Variants in ADGRV1 observed in about 807,000 individuals in gnomAD.
ADGRV1 encodes the protein adhesion G protein-coupled receptor V1, also known as G-protein coupled receptor 98.
ADGRV1 carries 359 observed loss-of-function variants against 596.2 expected under a neutral mutation model. The ratio of observed to expected loss-of-function variants is 0.60; its 90% CI spans 0.55 to 0.66. ADGRV1 has a LOEUF of 0.66. Ranked by LOEUF, ADGRV1 falls within the 30% of genes least tolerant of loss-of-function variation. The probability of loss-of-function intolerance (pLI) is 0.00; values close to 1 mark genes in which losing one functional copy is unlikely to be tolerated. For missense variants in ADGRV1, 7,274 were observed against 7,575.6 expected (o/e 0.96, Z 1.48); for synonymous variants, 2,681 against 2,679.2 (o/e 1.00, Z -0.02).
intron 87 of ADGRV1, among the ~76,000 whole-genome samples, chr5:91,148,804 G>C (rs1448320267): frequency 1.3e-5 from 2 of 152,160 alleles, no homozygotes; most frequent in Non-Finnish European, 2.9e-5. Flanking sequence ...CTGGGAGGGG[G>C]TCTGTAATGT....
chr5:91,083,520 T>C (rs1409115909), intron 86 of ADGRV1, among the ~76,000 whole-genome samples: 1 of 151,934 alleles, frequency 6.6e-6, no homozygotes, highest in Non-Finnish European at 1.5e-5. Flanking sequence ...GTTTTTTGTT[T>C]TTTGTTTTTT....
intron 21 of ADGRV1, among the ~76,000 whole-genome samples, chr5:90,661,110 A>G (rs975918486): frequency 6.6e-6 from 1 of 152,162 alleles, no homozygotes; most frequent in Non-Finnish European, 1.5e-5. Flanking sequence ...TAGTAACCAC[A>G]TTCTCATGTT....
intron 83 of ADGRV1, among the ~76,000 whole-genome samples, chr5:90,902,539 A>C (rs1451761378): frequency 1.3e-5 from 2 of 152,044 alleles, no homozygotes; most frequent in African/African-American, 2.4e-5. Context: ...TGCAAGTCTT[A>C]ATTCCGTGTT....
chr5:90,774,158 A>G, intron 59 of ADGRV1, 28 bp from the exon 60 acceptor site: 1 of 1,325,370 alleles, frequency 7.5e-7, no homozygotes, highest in Non-Finnish European at 1.1e-6. Flanking sequence ...CAATCTGGAA[A>G]ATGCACTGTT....
chr5:91,142,640 T>A (rs1795189636), intron 87 of ADGRV1, among the ~76,000 whole-genome samples: 1 of 152,162 alleles, frequency 6.6e-6, no homozygotes, highest in Non-Finnish European at 1.5e-5. Context: ...TAATATTGAG[T>A]CTTTCCTATC....
In ADGRV1 at chr5:90,689,952, T is replaced by C. The variant is rs1195051337; in HGVS notation, c.6582T>C (p.Tyr2194=). ...AVPIYVINDI[Y]PELEESFLVQ... ...CAATATATGTCATTAATGATATCTA[T>C]CCTGAACTGGAAGAATCTTTTCTTG... Residue 2194 remains tyrosine, a synonymous_variant, in exon 30 of 90, where the codon TAT becomes TAC. Coordinates refer to ENST00000405460, the MANE Select transcript of ADGRV1 (RefSeq NM_032119.4). The C allele has an allele frequency of 6.2e-7, 1 of 1,612,476 alleles. No individual in the cohort carries two copies. Among genetic ancestry groups the C allele is most frequent in the Non-Finnish European group, 8.5e-7 (1 of 1,179,124 alleles).
intron 22 of ADGRV1, among the ~76,000 whole-genome samples, chr5:90,673,555 G>A (rs1425032418): frequency 1.3e-5 from 2 of 152,112 alleles, no homozygotes; most frequent in African/African-American, 4.8e-5. Context: ...AGTTTTGGAG[G>A]CTGGGACGTC....
intron 59 of ADGRV1, among the ~76,000 whole-genome samples, chr5:90,770,627 A>G (rs1757589930): frequency 6.6e-6 from 1 of 152,124 alleles, no homozygotes; most frequent in South Asian, 2.1e-4. Context: ...TGCCAGTTTA[A>G]CTCAGAAGTC....
intron 67 of ADGRV1, among the ~76,000 whole-genome samples, chr5:90,784,301 T>C (rs1759188192): frequency 6.6e-6 from 1 of 152,168 alleles, no homozygotes; most frequent in Non-Finnish European, 1.5e-5. Flanking sequence ...TAAAATTCAT[T>C]AATTCAACAA....
rs1354850880 is a variant in ADGRV1, at chr5:90,635,349, T to C, written c.2016+59T>C. On this transcript the variant is annotated intron_variant, in intron 10 of 89. Coordinates refer to ENST00000405460, the MANE Select transcript of ADGRV1 (RefSeq NM_032119.4). ...TGAGTATGAAGTAATGTACAGACAC[T>C]ATTTTTAAAATAAGATCAGCATATA... The C allele has an allele frequency of 2.8e-6, 4 of 1,418,056 alleles. No homozygotes were observed. In the Admixed American group the frequency reaches 6.7e-5, roughly 24 times the overall value. 87.8% of individuals were successfully genotyped at this position (1,418,056 alleles called of 1,614,324 possible).
intron 83 of ADGRV1, among the ~76,000 whole-genome samples, chr5:90,875,714 T>C (rs1769158680): frequency 6.6e-6 from 1 of 152,194 alleles, no homozygotes; most frequent in Non-Finnish European, 1.5e-5. Context: ...CAAAGAGAAT[T>C]GGCTCTTCAA....
chr5:91,160,116 C>T (rs954910111), intron 89 of ADGRV1, among the ~76,000 whole-genome samples: 1 of 152,146 alleles, frequency 6.6e-6, no homozygotes, highest in African/African-American at 2.4e-5. Flanking sequence ...ATATGGGAAA[C>T]CTAGAAATGA....
rs149470700 is a variant in ADGRV1 at position 90,988,365 on chromosome 5, T to G, written c.18152+2843T>G. ...CTGGTTAAGTGTTACTGATTAAATA[T>G]AGACAAAGTCCAAAATTTTACCAAA... On this transcript the variant is annotated intron_variant, in intron 85 of 89. Transcript: ENST00000405460. Among the ~76,000 whole-genome samples the G allele has an allele frequency of 2.0e-4, 31 of 152,362 alleles. No homozygotes were observed. In the East Asian group the frequency reaches 5.8e-3, roughly 28 times the overall value.
chr5:90,660,300 TCAG>T (rs1468189678), intron 21 of ADGRV1, among the ~76,000 whole-genome samples: 1 of 152,188 alleles, frequency 6.6e-6, no homozygotes, highest in African/African-American at 2.4e-5. Context: ...ATGGAAAATA[TCAG>T]CAGATTTTAA....
Position 90,622,741 on chromosome 5 carries a change from A to G in ADGRV1, c.558+40A>G, listed in dbSNP as rs758933880. ...AAGTCATTTTATTTTATTTATTTTT[A>G]TTTTTATTTATTTATTTTTGAGACA... is the stretch of plus-strand genomic sequence containing the variant. On this transcript the variant is annotated intron_variant, in intron 5 of 89. Coordinates refer to ENST00000405460, the MANE Select transcript of ADGRV1 (RefSeq NM_032119.4). 11 of 937,510 alleles carry G rather than the reference A, an allele frequency of 1.2e-5. No individual in the cohort carries two copies. The South Asian group carries it at 2.4e-4, about 21-fold the overall frequency. The allele number at this position is 937,510 out of a possible 1,614,324, so 58.1% of individuals were successfully genotyped here.
chr5:90,911,389 C>T (rs1055753501), intron 83 of ADGRV1, among the ~76,000 whole-genome samples: 5 of 152,110 alleles, frequency 3.3e-5, no homozygotes, highest in African/African-American at 1.2e-4. Context: ...AATGTAAACA[C>T]ACTGATCCAG....
intron 82 of ADGRV1, among the ~76,000 whole-genome samples, chr5:90,856,880 T>G (rs1467339828): frequency 6.6e-6 from 1 of 152,312 alleles, no homozygotes; most frequent in East Asian, 1.9e-4. Flanking sequence ...TTAGTGATAT[T>G]TTGTCTGTAA....
chr5:90,959,885 A>G (rs1777821385), intron 83 of ADGRV1, among the ~76,000 whole-genome samples: 1 of 152,184 alleles, frequency 6.6e-6, no homozygotes, highest in African/African-American at 2.4e-5. Context: ...CACGCCTGTA[A>G]TCCCAGCACT....
At chr5:91,007,078 T>C (rs769789301) in intron 85 of ADGRV1, among the ~76,000 whole-genome samples, 2 of 152,236 alleles carry the variant, frequency 1.3e-5, no homozygotes, top group African/African-American at 4.8e-5. Flanking sequence ...AGAGCGGTTA[T>C]GCCAGAAGGA....
Sources: allele counts gnomAD v4.1 joint callset (sites outside exome capture counted in the v4.1 genomes callset), GRCh38; gene constraint gnomAD v4.1.1; transcripts MANE v1.5; gene names NCBI Gene and HGNC (gene_info 2026-07-23, HGNC 2026-07-21).